The following MARCHF1 variants were observed in gnomAD, a reference collection of about 807,000 sequenced individuals.
The protein encoded by MARCHF1 is membrane associated ring-CH-type finger 1.
A neutral mutation model predicts 54.2 loss-of-function variants in MARCHF1; 40 were observed. The observed-to-expected ratio is 0.74, with a 90% CI of 0.57 to 0.96. MARCHF1 has a LOEUF of 0.96. Among genes scored for constraint, MARCHF1 ranks in the 40% least tolerant of loss-of-function variants. MARCHF1 has a pLI of 0.00. For missense variants in MARCHF1, 586 were observed against 656.5 expected (o/e 0.89, Z 1.17); for synonymous variants, 236 against 236.3 (o/e 1.00, Z 0.01).
intron 4 of MARCHF1, among the ~76,000 whole-genome samples, chr4:163,846,803 T>C (rs1285877336): frequency 6.6e-6 from 1 of 152,080 alleles, no homozygotes; most frequent in Admixed American, 6.6e-5. Flanking sequence ...TTGTGCTTAA[T>C]AGAGCTTTAT....
intron 1 of MARCHF1, among the ~76,000 whole-genome samples, chr4:164,279,975 C>A (rs1247551319): frequency 3.3e-5 from 5 of 151,718 alleles, no homozygotes; most frequent in African/African-American, 1.2e-4. Flanking sequence ...TTAAAAACTT[C>A]ATTTTTAGAG....
intron 1 of MARCHF1, among the ~76,000 whole-genome samples, chr4:164,336,522 T>C (rs556658257): frequency 2.6e-5 from 4 of 152,238 alleles, no homozygotes; most frequent in Non-Finnish European, 5.9e-5. Context: ...CAAATATTCA[T>C]ATTTTAAAAT....
In MARCHF1 at chr4:164,383,994, A is replaced by T. The variant is rs981041517; in HGVS notation, c.-447T>A. ...GCTCCTCCCCAGCTAGCGGACGAGC[A>T]GCCGGGTGGCAGGCAGCCCGGCTCT... On this transcript the variant is annotated 5_prime_UTR_variant, in exon 1 of 10. Coordinates refer to ENST00000514618, the MANE Select transcript of MARCHF1 (RefSeq NM_001394959.1). 5.3e-5 allele frequency: 8 copies of T among 152,324 alleles called. No homozygotes were observed. The highest frequency in any genetic ancestry group is 2.1e-4 in the South Asian group (1 of 4,822). The allele number at this position is 152,324 out of a possible 1,614,324, so 9.4% of individuals were successfully genotyped here. A position where few individuals can be genotyped will look rare whatever the true frequency, so the allele number is the denominator to read the frequency against.
intron 7 of MARCHF1, among the ~76,000 whole-genome samples, chr4:163,606,849 C>T (rs1164551371): frequency 1.3e-5 from 2 of 152,054 alleles, no homozygotes; most frequent in Non-Finnish European, 2.9e-5. Context: ...AACCACAATA[C>T]CCTATGATCC....
chr4:164,105,976 A>C (rs1028975002), intron 2 of MARCHF1, among the ~76,000 whole-genome samples: 62 of 148,714 alleles, frequency 4.2e-4, no homozygotes, highest in African/African-American at 1.5e-3. Context: ...GACACTTCTC[A>C]AAAGAAGACA....
intron 1 of MARCHF1, among the ~76,000 whole-genome samples, chr4:164,150,935 G>A (rs2110906938): frequency 6.6e-6 from 1 of 152,270 alleles, no homozygotes; most frequent in Non-Finnish European, 1.5e-5. Context: ...GTCCTTGAAT[G>A]GGAATAGGAG....
chr4:163,708,495 A>G (rs1745014036), intron 4 of MARCHF1, among the ~76,000 whole-genome samples: 2 of 152,184 alleles, frequency 1.3e-5, no homozygotes, highest in South Asian at 4.1e-4. Context: ...AGTAATTTAT[A>G]GTAGAGCCAA....
intron 4 of MARCHF1, among the ~76,000 whole-genome samples, chr4:163,804,595 C>T (rs1446645710): frequency 1.3e-5 from 2 of 152,158 alleles, no homozygotes; most frequent in Non-Finnish European, 2.9e-5. Context: ...CAGACTAAAT[C>T]AATGTTTGTC....
At chr4:164,039,377 T>C (rs1226442014) in intron 2 of MARCHF1, among the ~76,000 whole-genome samples, 1 of 152,124 alleles carries the variant, frequency 6.6e-6, no homozygotes, top group Non-Finnish European at 1.5e-5. Context: ...TGGGTTGAAA[T>C]TGCATTTTTC....
chr4:163,672,591 G>C (rs1281648255), intron 5 of MARCHF1, among the ~76,000 whole-genome samples: 2 of 151,946 alleles, frequency 1.3e-5, no homozygotes, highest in Non-Finnish European at 2.9e-5. Flanking sequence ...ATATTGTTTT[G>C]ATGTGTCATA....
intron 3 of MARCHF1, among the ~76,000 whole-genome samples, chr4:163,949,420 A>C (rs371655072): frequency 6.6e-6 from 1 of 152,182 alleles, no homozygotes; most frequent in Non-Finnish European, 1.5e-5. Flanking sequence ...GGCTCCCCAA[A>C]GGGCTGCAGC....
At chr4:163,632,545 A>T (rs1294784878) in intron 5 of MARCHF1, among the ~76,000 whole-genome samples, 1 of 152,220 alleles carries the variant, frequency 6.6e-6, no homozygotes, top group Non-Finnish European at 1.5e-5. Context: ...CGACGGGCTT[A>T]AAAAACGGCG....
intron 2 of MARCHF1, among the ~76,000 whole-genome samples, chr4:164,031,687 G>C (rs145703915): frequency 2.6e-4 from 39 of 152,266 alleles, no homozygotes; most frequent in African/African-American, 9.4e-4. Context: ...AAGCCAACTT[G>C]ATTGTGGTGC....
At chr4:163,796,803 C>T (rs1747931186) in intron 4 of MARCHF1, among the ~76,000 whole-genome samples, 1 of 151,968 alleles carries the variant, frequency 6.6e-6, no homozygotes, top group Non-Finnish European at 1.5e-5. Context: ...AACCTGCATA[C>T]TTAATAACAT....
intron 4 of MARCHF1, among the ~76,000 whole-genome samples, chr4:163,775,315 A>G (rs1747274610): frequency 6.6e-6 from 1 of 152,076 alleles, no homozygotes; most frequent in Admixed American, 6.5e-5. Flanking sequence ...CTAATATTGT[A>G]TTATGTTTCC....
intron 4 of MARCHF1, among the ~76,000 whole-genome samples, chr4:163,767,905 T>C (rs745538819): frequency 4.6e-5 from 7 of 152,230 alleles, no homozygotes; most frequent in African/African-American, 4.8e-5. Flanking sequence ...CCAATGACTC[T>C]AGCTGTACAT....
chr4:163,949,136 A>C (rs1752080264), intron 3 of MARCHF1, among the ~76,000 whole-genome samples: 1 of 152,214 alleles, frequency 6.6e-6, no homozygotes, highest in Non-Finnish European at 1.5e-5. Context: ...GCTAAGGGCA[A>C]GCCAGGTGCA....
chr4:163,790,331 G>A (rs1747741638), intron 4 of MARCHF1, among the ~76,000 whole-genome samples: 1 of 152,070 alleles, frequency 6.6e-6, no homozygotes. Flanking sequence ...ACAAATGGTA[G>A]TGGCTCTTTT....
chr4:163,774,975 G>T (rs183876800), intron 4 of MARCHF1, among the ~76,000 whole-genome samples: 47 of 152,206 alleles, frequency 3.1e-4, no homozygotes, highest in Non-Finnish European at 5.4e-4. Flanking sequence ...CTAAAGAAAG[G>T]TCATGTCACG....
Sources: allele counts gnomAD v4.1 joint callset (sites outside exome capture counted in the v4.1 genomes callset), GRCh38; gene constraint gnomAD v4.1.1; transcripts MANE v1.5; gene names NCBI Gene and HGNC (gene_info 2026-07-23, HGNC 2026-07-21).